PTPRD: variants seen among roughly 807,000 people sequenced by gnomAD.
PTPRD encodes the protein protein tyrosine phosphatase receptor type D, also known as receptor-type tyrosine-protein phosphatase delta.
In PTPRD, 34 loss-of-function variants were observed where a neutral mutation model predicts 214.5. The observed-to-expected ratio is 0.16, with a 90% CI of 0.12 to 0.21. The LOEUF is 0.21. Ranked by LOEUF, PTPRD falls within the 10% of genes least tolerant of loss-of-function variation. The pLI is 1.00. For missense variants in PTPRD, 2,545 were observed against 2,398.7 expected (o/e 1.06, Z -1.27); for synonymous variants, 1,128 against 845.7 (o/e 1.33, Z -5.79).
In PTPRD at chr9:9,345,730, C is replaced by T. The variant is rs116757983; in HGVS notation, c.-203+51719G>A. Reference sequence around the variant, plus strand: ...TCCAGTAGTATGGTCTTGGATTACTCAAACATTCGGTTCCTCCATTTTTTC... The same window carrying T: ...TCCAGTAGTATGGTCTTGGATTACTTAAACATTCGGTTCCTCCATTTTTTC... On this transcript the variant is annotated intron_variant, in intron 9 of 45. Transcript: ENST00000381196. Among the ~76,000 whole-genome samples the T allele has an allele frequency of 9.0e-3, 1,365 of 152,132 alleles. 16 individuals are homozygous for T. The highest frequency in any genetic ancestry group is 0.031 in the African/African-American group (1,293 of 41,518).
chr9:9,222,077 C>T (rs1389035261), intron 9 of PTPRD, among the ~76,000 whole-genome samples: 1 of 151,986 alleles, frequency 6.6e-6, no homozygotes, highest in Non-Finnish European at 1.5e-5. Flanking sequence ...ACTAGAACTG[C>T]CAAATGTATC....
chr9:8,389,106 C>T (rs2088455263), intron 37 of PTPRD, 126 bp downstream of exon 37: 2 of 699,366 alleles, frequency 2.9e-6, no homozygotes, highest in East Asian at 3.2e-5. Flanking sequence ...GATGCCCATT[C>T]ATAATTAGTA....
At chr9:9,593,516 G>A (rs73388959) in intron 7 of PTPRD, among the ~76,000 whole-genome samples, 5,918 of 152,002 alleles carry the variant, frequency 0.039, 350 homozygotes, top group African/African-American at 0.13. Context: ...TTTGAGGCAT[G>A]AGAAAACTCC....
At chr9:8,855,544 TA>T (rs1241170512) in intron 11 of PTPRD, among the ~76,000 whole-genome samples, 3 of 152,308 alleles carry the variant, frequency 2.0e-5, no homozygotes, top group Admixed American at 2.0e-4. Context: ...TATTAAAATA[TA>T]TTTGAGAGAG....
intron 11 of PTPRD, among the ~76,000 whole-genome samples, chr9:8,877,514 A>T (rs1054715187): frequency 2.6e-5 from 4 of 152,190 alleles, no homozygotes; most frequent in Non-Finnish European, 5.9e-5. Context: ...AATAGATTCT[A>T]ATATTTTAGT....
chr9:8,432,086 G>C (rs562111877), intron 35 of PTPRD, among the ~76,000 whole-genome samples: 1 of 152,082 alleles, frequency 6.6e-6, no homozygotes, highest in Non-Finnish European at 1.5e-5. Flanking sequence ...ATCTGTAGGC[G>C]CCAGCCTAAG....
chr9:10,472,278 CACT>C (rs1317530446), intron 2 of PTPRD, among the ~76,000 whole-genome samples: 1 of 152,092 alleles, frequency 6.6e-6, no homozygotes, highest in Non-Finnish European at 1.5e-5. Flanking sequence ...AAGTATCTGA[CACT>C]GCAAACTCAT....
chr9:10,053,055 A>C (rs1346280910), intron 3 of PTPRD, among the ~76,000 whole-genome samples: 1 of 152,156 alleles, frequency 6.6e-6, no homozygotes, highest in Non-Finnish European at 1.5e-5. Context: ...TGTCATATTA[A>C]TACATTTTCT....
At chr9:10,156,005 T>C (rs1404076220) in intron 3 of PTPRD, among the ~76,000 whole-genome samples, 1 of 151,874 alleles carries the variant, frequency 6.6e-6, no homozygotes, top group African/African-American at 2.4e-5. Flanking sequence ...TTTTTTGGAA[T>C]AGTTTCAGTA....
At chr9:10,400,061 T>A (rs1251340498) in intron 2 of PTPRD, among the ~76,000 whole-genome samples, 8 of 151,844 alleles carry the variant, frequency 5.3e-5, no homozygotes, top group Non-Finnish European at 7.4e-5. Context: ...TATGTCCTAT[T>A]TTATAGAGCA....
intron 10 of PTPRD, among the ~76,000 whole-genome samples, chr9:9,132,798 C>T (rs771595031): frequency 6.6e-6 from 1 of 152,110 alleles, no homozygotes; most frequent in Admixed American, 6.5e-5. Flanking sequence ...AACACTAATA[C>T]TTGTGTGCAA....
chr9:10,569,533 G>C (rs61527822), intron 2 of PTPRD, among the ~76,000 whole-genome samples: 11,355 of 148,496 alleles, frequency 0.076, 482 homozygotes, highest in Middle Eastern at 0.13. Context: ...CTCTCTCTCT[G>C]TGTGTATATA....
intron 4 of PTPRD, among the ~76,000 whole-genome samples, chr9:10,017,465 G>A (rs1274872306): frequency 6.6e-6 from 1 of 151,678 alleles, no homozygotes; most frequent in Non-Finnish European, 1.5e-5. Flanking sequence ...TTTCCTTCAT[G>A]GATTATACCT....
chr9:8,635,758 T>C (rs931241342), intron 13 of PTPRD, among the ~76,000 whole-genome samples: 6 of 152,120 alleles, frequency 3.9e-5, no homozygotes, highest in African/African-American at 1.2e-4. Context: ...TTCAGGCAGT[T>C]TGGGGGTATT....
At chr9:9,620,257 A>G (rs893828758) in intron 7 of PTPRD, among the ~76,000 whole-genome samples, 1 of 152,156 alleles carries the variant, frequency 6.6e-6, no homozygotes, top group Non-Finnish European at 1.5e-5. Flanking sequence ...TCAGAGCATA[A>G]AAGGATACCG....
intron 14 of PTPRD, among the ~76,000 whole-genome samples, chr9:8,620,603 T>C (rs540920331): frequency 8.1e-4 from 123 of 152,046 alleles, no homozygotes; most frequent in Middle Eastern, 3.4e-3. Context: ...TACAGTCCAG[T>C]TAATGGCGGG....
intron 3 of PTPRD, among the ~76,000 whole-genome samples, chr9:10,325,352 A>G (rs78806274): frequency 0.076 from 11,587 of 151,962 alleles, 969 homozygotes; most frequent in African/African-American, 0.18. Context: ...CAGCACTTAA[A>G]TCCCCATTCT....
intron 6 of PTPRD, among the ~76,000 whole-genome samples, chr9:9,766,367 T>A (rs751328236): frequency 1.3e-5 from 2 of 152,196 alleles, no homozygotes; most frequent in African/African-American, 2.4e-5. Flanking sequence ...AATTCCTTCC[T>A]CTTTTTAAAT....
At chr9:9,563,828 T>C (rs956351078) in intron 8 of PTPRD, among the ~76,000 whole-genome samples, 3 of 152,168 alleles carry the variant, frequency 2.0e-5, no homozygotes, top group African/African-American at 7.2e-5. Flanking sequence ...AATTGACTCA[T>C]ATTGACAACC....
Sources: allele counts gnomAD v4.1 joint callset (sites outside exome capture counted in the v4.1 genomes callset), GRCh38; gene constraint gnomAD v4.1.1; transcripts MANE v1.5; gene names NCBI Gene and HGNC (gene_info 2026-07-23, HGNC 2026-07-21).